Variants in CHODL observed in about 807,000 individuals in gnomAD.
CHODL encodes chondrolectin.
A neutral mutation model predicts 34.5 loss-of-function variants in CHODL; 29 were observed. The observed-to-expected ratio is 0.84, with a 90% CI of 0.63 to 1.15. CHODL has a LOEUF of 1.15. CHODL is among the 50% of genes most tolerant of loss of function. CHODL has a pLI of 0.00. For missense variants in CHODL, 332 were observed against 332.5 expected, an observed-to-expected ratio of 1.00 and a Z score of 0.01; for synonymous variants, 125 against 116.1, an observed-to-expected ratio of 1.08 and a Z score of -0.49.
At chr21:18,128,745 T>A (rs2072613815) in intron 2 of CHODL, among the ~76,000 whole-genome samples, 1 of 152,190 alleles carries the variant, frequency 6.6e-6, no homozygotes, top group Admixed American at 6.5e-5. Context: ...TTTCTCCGTT[T>A]TGGTTTCTGT....
At chr21:17,970,431 TG>T (rs1600844102) in intron 1 of CHODL, among the ~76,000 whole-genome samples, 1 of 152,144 alleles carries the variant, frequency 6.6e-6, no homozygotes, top group Non-Finnish European at 1.5e-5. Context: ...GTGTTTGGGG[TG>T]TAACCATTCA....
At chr21:18,181,547 C>T (rs999627740) in intron 2 of CHODL, among the ~76,000 whole-genome samples, 3 of 152,128 alleles carry the variant, frequency 2.0e-5, no homozygotes, top group Non-Finnish European at 2.9e-5. Flanking sequence ...GAACTACAGG[C>T]GCCCGCCACC....
At chr21:18,098,421 A>G (rs1366970776) in intron 2 of CHODL, among the ~76,000 whole-genome samples, 2 of 152,108 alleles carry the variant, frequency 1.3e-5, no homozygotes, top group South Asian at 2.1e-4. Flanking sequence ...AATTTTTCAA[A>G]AAAAGACATA....
chr21:18,050,480 G>A (rs909197433), intron 2 of CHODL, among the ~76,000 whole-genome samples: 2 of 152,016 alleles, frequency 1.3e-5, no homozygotes, highest in African/African-American at 4.8e-5. Context: ...TGTGGCTGTA[G>A]TGCAGGGCAG....
At chr21:18,234,608 T>A (rs1361758183) in intron 2 of CHODL, among the ~76,000 whole-genome samples, 2 of 152,038 alleles carry the variant, frequency 1.3e-5, no homozygotes, top group Non-Finnish European at 2.9e-5. Context: ...CAGGGAACAA[T>A]CCACCCCTTT....
chr21:18,192,838 T>C (rs901172933), intron 2 of CHODL, among the ~76,000 whole-genome samples: 5 of 152,174 alleles, frequency 3.3e-5, no homozygotes, highest in African/African-American at 9.6e-5. Flanking sequence ...AAGCTAGTTG[T>C]TATGTTGTCC....
chr21:18,210,537 C>T (rs2073761341), intron 2 of CHODL, among the ~76,000 whole-genome samples: 1 of 152,158 alleles, frequency 6.6e-6, no homozygotes, highest in African/African-American at 2.4e-5. Context: ...GGGAGGACAA[C>T]TGGTGAAGTC....
At chr21:18,184,217 G>A (rs1370652039) in intron 2 of CHODL, among the ~76,000 whole-genome samples, 1 of 152,080 alleles carries the variant, frequency 6.6e-6, no homozygotes, top group Non-Finnish European at 1.5e-5. Context: ...GTAGGTAACT[G>A]GAAATGATAT....
upstream of CHODL, among the ~76,000 whole-genome samples, chr21:18,243,039 T>A (rs1185250327): frequency 6.6e-6 from 1 of 152,112 alleles, no homozygotes; most frequent in Admixed American, 6.5e-5. Flanking sequence ...GGAAAGGAGA[T>A]CCCCTTCAGA....
At chr21:18,160,644 T>C (rs2073085524) in intron 2 of CHODL, among the ~76,000 whole-genome samples, 1 of 152,240 alleles carries the variant, frequency 6.6e-6, no homozygotes, top group Admixed American at 6.5e-5. Flanking sequence ...GCTCCATCCA[T>C]GTCCCTGCAA....
intron 1 of CHODL, among the ~76,000 whole-genome samples, chr21:17,972,268 T>C (rs2063621248): frequency 6.6e-6 from 1 of 152,172 alleles, no homozygotes; most frequent in African/African-American, 2.4e-5. Context: ...TTCTCTTCAA[T>C]GTAGCATTGG....
chr21:18,001,977 G>T (rs1411852341), intron 1 of CHODL, among the ~76,000 whole-genome samples: 1 of 152,010 alleles, frequency 6.6e-6, no homozygotes, highest in Non-Finnish European at 1.5e-5. Flanking sequence ...AATAATTAAA[G>T]TTTAGCTTTT....
chr21:17,942,039 T>C (rs1731565093), intron 1 of CHODL, among the ~76,000 whole-genome samples: 1 of 152,070 alleles, frequency 6.6e-6, no homozygotes, highest in South Asian at 2.1e-4. Context: ...GACTTCAACA[T>C]ATACATTTTG....
chr21:17,937,435 C>T (rs1652802749), intron 1 of CHODL, among the ~76,000 whole-genome samples: 1 of 152,190 alleles, frequency 6.6e-6, no homozygotes, highest in African/African-American at 2.4e-5. Flanking sequence ...ACAGGCAGAT[C>T]AAGCTCACAG....
intron 1 of CHODL, among the ~76,000 whole-genome samples, chr21:17,980,667 C>T (rs1455631580): frequency 6.6e-6 from 1 of 152,132 alleles, no homozygotes; most frequent in Non-Finnish European, 1.5e-5. Flanking sequence ...TCTTGGGTTT[C>T]ACGGGTACCT....
chr21:18,251,013 ATAAC>A (rs751827703), intron 1 of CHODL, among the ~76,000 whole-genome samples: 37 of 151,786 alleles, frequency 2.4e-4, no homozygotes, highest in African/African-American at 6.7e-4. Flanking sequence ...TATTATTTTC[ATAAC>A]TAACTGAGCA....
At chr21:18,027,305 A>C (rs1197336241) in intron 1 of CHODL, among the ~76,000 whole-genome samples, 1 of 152,024 alleles carries the variant, frequency 6.6e-6, no homozygotes, top group Non-Finnish European at 1.5e-5. Flanking sequence ...AATAAAAAAA[A>C]CTCTCCAGAA....
intron 2 of CHODL, among the ~76,000 whole-genome samples, chr21:18,175,602 AAAAAG>A (rs2073298048): frequency 6.6e-6 from 1 of 152,238 alleles, no homozygotes; most frequent in South Asian, 2.1e-4. Flanking sequence ...AGAAAAAAAA[AAAAAG>A]AAAGATATTG....
chr21:18,229,886 C>T (rs1045082776), intron 2 of CHODL, among the ~76,000 whole-genome samples: 6 of 152,078 alleles, frequency 3.9e-5, no homozygotes, highest in South Asian at 2.1e-4. Flanking sequence ...GGATAATCTT[C>T]GCAAAGAAGA....
Sources: gnomAD v4.1 joint callset for allele counts (sites outside exome capture counted in the v4.1 genomes callset) on GRCh38, gnomAD v4.1.1 for gene constraint, MANE v1.5 for transcripts, NCBI Gene and HGNC (gene_info 2026-07-23, HGNC 2026-07-21) for gene names.